The following GRM5 variants were observed in gnomAD, a reference collection of about 807,000 sequenced individuals.
The protein encoded by GRM5 is metabotropic glutamate receptor 5.
In GRM5, 19 loss-of-function variants were observed where a neutral mutation model predicts 83.1. The ratio of observed to expected loss-of-function variants is 0.23; its 90% confidence interval spans 0.16 to 0.34. The LOEUF (loss-of-function observed/expected upper bound fraction) is 0.34, where lower values mean the gene tolerates loss of function less well. Ranked by LOEUF, GRM5 falls within the 10% of genes least tolerant of loss-of-function variation. The probability of loss-of-function intolerance (pLI) is 1.00; values close to 1 mark genes in which losing one functional copy is unlikely to be tolerated. For synonymous variants in GRM5, 675 were observed against 633.6 expected (o/e 1.07, Z -0.98); for missense variants, 1,160 against 1,588.3 (o/e 0.73, Z 4.58).
intron 2 of GRM5, among the ~76,000 whole-genome samples, chr11:89,042,582 C>G (rs553800459): frequency 1.4e-4 from 22 of 152,168 alleles, no homozygotes; most frequent in Non-Finnish European, 2.6e-4. Flanking sequence ...ACTCTCAGCA[C>G]TGTTCAATTC....
chr11:88,544,563 C>T (rs1439703680), intron 8 of GRM5, among the ~76,000 whole-genome samples: 1 of 152,188 alleles, frequency 6.6e-6, no homozygotes, highest in Non-Finnish European at 1.5e-5. Context: ...CTCTGCTGCC[C>T]TCTAGGGGGC....
At chr11:88,800,788 T>C (rs946734459) in intron 3 of GRM5, among the ~76,000 whole-genome samples, 11 of 152,080 alleles carry the variant, frequency 7.2e-5, no homozygotes, top group African/African-American at 2.7e-4. Flanking sequence ...ATGCATAAGT[T>C]GGGAGAAATC....
intron 2 of GRM5, among the ~76,000 whole-genome samples, chr11:88,902,678 G>A (rs906589618): frequency 7.2e-5 from 11 of 151,942 alleles, no homozygotes; most frequent in African/African-American, 2.7e-4. Flanking sequence ...CAGAGAGGCC[G>A]GGTGCAGTAG....
chr11:88,708,337 T>G (rs1050645944), intron 3 of GRM5, among the ~76,000 whole-genome samples: 2 of 152,094 alleles, frequency 1.3e-5, no homozygotes, highest in Admixed American at 1.3e-4. Context: ...AGGGAATAAT[T>G]TTTTCAGCAT....
intron 2 of GRM5, among the ~76,000 whole-genome samples, chr11:88,913,292 C>T (rs1004887025): frequency 3.9e-5 from 6 of 152,172 alleles, no homozygotes; most frequent in African/African-American, 9.6e-5. Context: ...TATTCTCACC[C>T]GCTCAAGATC....
chr11:88,703,742 G>A (rs1315063100), intron 3 of GRM5, among the ~76,000 whole-genome samples: 1 of 152,004 alleles, frequency 6.6e-6, no homozygotes. Flanking sequence ...GAAGTGGGAA[G>A]GATCAAACTA....
At chr11:88,916,592 A>G (rs1259666402) in intron 2 of GRM5, among the ~76,000 whole-genome samples, 1 of 152,008 alleles carries the variant, frequency 6.6e-6, no homozygotes, top group Non-Finnish European at 1.5e-5. Context: ...CCTAGACCAC[A>G]AGGACTGTAA....
intron 3 of GRM5, among the ~76,000 whole-genome samples, chr11:88,766,471 C>G (rs1376736644): frequency 6.6e-6 from 1 of 151,682 alleles, no homozygotes; most frequent in African/African-American, 2.4e-5. Flanking sequence ...ACTCTATTCA[C>G]TTAATGGTAC....
At chr11:88,560,086 T>A (rs1942719450) in intron 8 of GRM5, among the ~76,000 whole-genome samples, 1 of 151,948 alleles carries the variant, frequency 6.6e-6, no homozygotes, top group Non-Finnish European at 1.5e-5. Context: ...TAAGGATCAG[T>A]GTGGAAAGTC....
intron 2 of GRM5, among the ~76,000 whole-genome samples, chr11:88,966,702 C>G (rs751106713): frequency 4.6e-5 from 7 of 152,100 alleles, no homozygotes. Flanking sequence ...GTACTCATAA[C>G]CTCAAGTTCA....
chr11:89,050,549 C>T (rs1941735532), intron 1 of GRM5, among the ~76,000 whole-genome samples: 1 of 152,142 alleles, frequency 6.6e-6, no homozygotes, highest in African/African-American at 2.4e-5. Context: ...CGCTGACTTC[C>T]ACAATGATTG....
chr11:88,559,746 G>A (rs1267442501), intron 8 of GRM5, among the ~76,000 whole-genome samples: 1 of 152,184 alleles, frequency 6.6e-6, no homozygotes, highest in African/African-American at 2.4e-5. Flanking sequence ...AAATGATACA[G>A]AAAATGAGTA....
At chr11:88,539,550 G>C (rs889492449) in intron 8 of GRM5, among the ~76,000 whole-genome samples, 1 of 151,990 alleles carries the variant, frequency 6.6e-6, no homozygotes, top group Non-Finnish European at 1.5e-5. Context: ...TCTATAACCA[G>C]GCAGGCTTCT....
chr11:88,851,843 C>T (rs905283050), intron 2 of GRM5, among the ~76,000 whole-genome samples: 2 of 152,158 alleles, frequency 1.3e-5, no homozygotes, highest in Non-Finnish European at 2.9e-5. Context: ...GAATTAAAAG[C>T]AACAAGAAGC....
rs556467829 is a variant in GRM5 at position 88,533,292 on chromosome 11, A to C, written c.2631-7888T>G. Among the ~76,000 whole-genome samples, 3 of 152,184 alleles carry C rather than the reference A, an allele frequency of 2.0e-5. No individual in the cohort carries two copies. In the East Asian group the frequency reaches 5.8e-4, roughly 29 times the overall value. ...TCTTCTTGTTGCTTGAAGACACCAG[A>C]TATCCTCCCAGCATAGTGTCTTTGC... On this transcript the variant is annotated intron_variant, in intron 8 of 9. Transcript: ENST00000305447.
intron 2 of GRM5, among the ~76,000 whole-genome samples, chr11:88,894,874 C>T (rs1192404470): frequency 6.6e-6 from 1 of 151,924 alleles, no homozygotes; most frequent in African/African-American, 2.4e-5. Flanking sequence ...TGAAGATTGT[C>T]ATCAACAAAC....
chr11:88,970,439 C>T (rs1939133555), intron 2 of GRM5, among the ~76,000 whole-genome samples: 1 of 152,164 alleles, frequency 6.6e-6, no homozygotes, highest in African/African-American at 2.4e-5. Flanking sequence ...TGGCACATAT[C>T]ACTTCTACTT....
chr11:88,573,285 G>A (rs1943043414), intron 7 of GRM5, among the ~76,000 whole-genome samples: 1 of 152,126 alleles, frequency 6.6e-6, no homozygotes. Context: ...ATAGCAGAAT[G>A]GATGATCTAC....
At chr11:88,751,172 C>T (rs9735388) in intron 3 of GRM5, among the ~76,000 whole-genome samples, 12,674 of 149,270 alleles carry the variant, frequency 0.085, 979 homozygotes, top group African/African-American at 0.21. Flanking sequence ...AATCCAGGAG[C>T]TGTTCTTTTG....
Sources: allele counts gnomAD v4.1 joint callset (sites outside exome capture counted in the v4.1 genomes callset), GRCh38; gene constraint gnomAD v4.1.1; transcripts MANE v1.5; gene names NCBI Gene and HGNC (gene_info 2026-07-23, HGNC 2026-07-21).